Variants in CMSS1 observed in about 807,000 individuals in gnomAD.
CMSS1 encodes the protein cms1 ribosomal small subunit homolog, also known as protein CMSS1.
In CMSS1, 33 loss-of-function variants were observed where a neutral mutation model predicts 43.5. The observed-to-expected ratio is 0.76, with a 90% CI of 0.57 to 1.01. The LOEUF is 1.01. Ranked by LOEUF, CMSS1 falls within the 50% of genes least tolerant of loss-of-function variation. CMSS1 has a pLI of 0.00. For synonymous variants in CMSS1, 115 were observed against 117.2 expected, an observed-to-expected ratio of 0.98 and a Z score of 0.12; for missense variants, 313 against 326.4, an observed-to-expected ratio of 0.96 and a Z score of 0.32.
At chr3:100,124,701 A>G (rs1190791858) in intron 1 of CMSS1, among the ~76,000 whole-genome samples, 1 of 152,168 alleles carries the variant, frequency 6.6e-6, no homozygotes, top group Non-Finnish European at 1.5e-5. Context: ...GCAAAAGGCC[A>G]CCTGGGCCCG....
At chr3:100,140,795 T>A (rs940507113) in intron 1 of CMSS1, among the ~76,000 whole-genome samples, 1 of 151,728 alleles carries the variant, frequency 6.6e-6, no homozygotes, top group Non-Finnish European at 1.5e-5. Flanking sequence ...AATATAAAAT[T>A]AAATATAAAA....
intron 1 of CMSS1, chr3:100,115,123 T>C (rs767233589): frequency 4.5e-6 from 3 of 661,916 alleles, no homozygotes; most frequent in East Asian, 2.9e-5. Context: ...CTTGTTCAGA[T>C]TGAGGGGTTG....
intron 1 of CMSS1, among the ~76,000 whole-genome samples, chr3:99,993,238 TA>T (rs1398167276): frequency 2.0e-5 from 3 of 152,010 alleles, no homozygotes; most frequent in Admixed American, 1.3e-4. Flanking sequence ...TGAATATTAT[TA>T]AAATTACATT....
At chr3:100,152,010 A>G (rs1009065115) in intron 2 of CMSS1, among the ~76,000 whole-genome samples, 7 of 152,204 alleles carry the variant, frequency 4.6e-5, no homozygotes, top group African/African-American at 1.7e-4. Context: ...CAAGTGTAGT[A>G]TAACCTTTAT....
chr3:100,165,908 A>G (rs149289682), intron 4 of CMSS1, among the ~76,000 whole-genome samples: 140 of 152,342 alleles, frequency 9.2e-4, no homozygotes, highest in African/African-American at 3.2e-3. Context: ...TTGGTATTAT[A>G]CATATTGCTA....
intron 1 of CMSS1, chr3:100,114,929 A>G (rs1292981020): frequency 7.2e-6 from 11 of 1,532,264 alleles, no homozygotes; most frequent in Non-Finnish European, 9.6e-6. Flanking sequence ...TGCCTGTTCC[A>G]TTTAGTGTCA....
chr3:99,951,321 T>C (rs906198851), intron 1 of CMSS1, among the ~76,000 whole-genome samples: 1 of 152,138 alleles, frequency 6.6e-6, no homozygotes, highest in Non-Finnish European at 1.5e-5. Context: ...ATCTATATTA[T>C]TATCTAAAGA....
In CMSS1 at chr3:99,833,143, A is replaced by G. The variant is rs1447803132; in HGVS notation, c.64+15100A>G. On this transcript the variant is annotated intron_variant, in intron 1 of 9. Transcript: ENST00000421999. Reference sequence around the variant, plus strand: ...ATTAAGCAAGTTGGAAAGCTCATTCATAGAAGAAAACGATTTTTTAATAAA... The same window carrying G: ...ATTAAGCAAGTTGGAAAGCTCATTCGTAGAAGAAAACGATTTTTTAATAAA... 6.1e-6 allele frequency: 7 copies of G among 1,154,012 alleles called. No individual in the cohort carries two copies. The Admixed American group carries it at 1.1e-4, about 19-fold the overall frequency. The allele number at this position is 1,154,012 out of a possible 1,614,324, so 71.5% of individuals were successfully genotyped here. A position where few individuals can be genotyped will look rare whatever the true frequency, so the allele number is the denominator to read the frequency against.
At chr3:100,132,198 T>C (rs576702345) in intron 1 of CMSS1, among the ~76,000 whole-genome samples, 9 of 150,814 alleles carry the variant, frequency 6.0e-5, no homozygotes, top group Non-Finnish European at 1.2e-4. Flanking sequence ...GGCCAGGAGC[T>C]CAAGACCAGC....
intron 1 of CMSS1, among the ~76,000 whole-genome samples, chr3:99,859,098 T>C (rs1477704136): frequency 1.3e-5 from 2 of 152,244 alleles, no homozygotes; most frequent in Non-Finnish European, 2.9e-5. Flanking sequence ...TGTGTTTTGT[T>C]TGAAACTCCA....
At chr3:99,953,585 A>G (rs947967707) in intron 1 of CMSS1, among the ~76,000 whole-genome samples, 11 of 152,198 alleles carry the variant, frequency 7.2e-5, no homozygotes, top group Non-Finnish European at 1.5e-4. Context: ...TAAAGAATTC[A>G]ATAAAATCCA....
intron 1 of CMSS1, among the ~76,000 whole-genome samples, chr3:99,918,824 G>A (rs781289128): frequency 7.9e-5 from 12 of 152,088 alleles, no homozygotes; most frequent in Non-Finnish European, 1.8e-4. Context: ...TGTTTGCAGT[G>A]GATCTCCATT....
chr3:99,820,596 TCCTTG>T (rs1942417421), intron 1 of CMSS1, among the ~76,000 whole-genome samples: 1 of 152,254 alleles, frequency 6.6e-6, no homozygotes, highest in Admixed American at 6.5e-5. Context: ...ATTTGAAATA[TCCTTG>T]ATTATTCACT....
chr3:99,948,754 AAAGG>A (rs1321850967), intron 1 of CMSS1, among the ~76,000 whole-genome samples: 4 of 151,530 alleles, frequency 2.6e-5, no homozygotes, highest in Non-Finnish European at 4.4e-5. Context: ...AAAAAGAGGA[AAAGG>A]AAGGAAGGAA....
rs117149127 is a variant in CMSS1 at position 99,981,635 on chromosome 3, A to G, written c.64+163592A>G. ...ATGAATCCCCGTTTTGCAAGTGGAA[A>G]ATTGACAGTTTCAATAACTTGTCCA... On this transcript the variant is annotated intron_variant, in intron 1 of 9. Transcript: ENST00000421999. Among the ~76,000 whole-genome samples the G allele has an allele frequency of 3.9e-4, 60 of 152,328 alleles. No individual in the cohort carries two copies. In the East Asian group the frequency reaches 9.3e-3, roughly 24 times the overall value.
At chr3:99,908,993 A>G (rs150860933) in intron 1 of CMSS1, among the ~76,000 whole-genome samples, 1 of 152,274 alleles carries the variant, frequency 6.6e-6, no homozygotes, top group African/African-American at 2.4e-5. Flanking sequence ...TTACCAGTTA[A>G]CAACTCTATA....
intron 1 of CMSS1, among the ~76,000 whole-genome samples, chr3:100,136,105 A>T (rs2066750926): frequency 6.6e-6 from 1 of 152,208 alleles, no homozygotes; most frequent in African/African-American, 2.4e-5. Context: ...AATGACAAGA[A>T]AACTTCTGAT....
intron 1 of CMSS1, among the ~76,000 whole-genome samples, chr3:100,137,415 T>C (rs2066764789): frequency 6.6e-6 from 1 of 152,202 alleles, no homozygotes; most frequent in Non-Finnish European, 1.5e-5. Flanking sequence ...TAAACTTGCA[T>C]GCACCTAAGA....
At chr3:99,920,080 T>G (rs1329340016) in intron 1 of CMSS1, among the ~76,000 whole-genome samples, 1 of 152,194 alleles carries the variant, frequency 6.6e-6, no homozygotes, top group Non-Finnish European at 1.5e-5. Context: ...GAAAAGTAAT[T>G]TAAGGCTTTA....
Sources: allele counts gnomAD v4.1 joint callset (sites outside exome capture counted in the v4.1 genomes callset), GRCh38; gene constraint gnomAD v4.1.1; transcripts MANE v1.5; gene names NCBI Gene and HGNC (gene_info 2026-07-23, HGNC 2026-07-21).